Variants in CNOT6L observed in about 807,000 individuals in gnomAD.
The protein encoded by CNOT6L is CCR4-NOT transcription complex subunit 6-like.
Under a neutral mutation model 64.0 loss-of-function variants are expected in CNOT6L, and 7 were observed. The ratio of observed to expected loss-of-function variants is 0.11; its 90% CI spans 0.06 to 0.21. CNOT6L has a LOEUF of 0.21. Ranked by LOEUF, CNOT6L falls within the 10% of genes least tolerant of loss-of-function variation. The pLI is 1.00. For synonymous variants in CNOT6L, 193 were observed against 243.4 expected (o/e 0.79, Z 1.93); for missense variants, 245 against 669.0 (o/e 0.37, Z 6.99).
At chr4:77,723,155 G>A (rs967822955) in intron 11 of CNOT6L, among the ~76,000 whole-genome samples, 2 of 152,076 alleles carry the variant, frequency 1.3e-5, no homozygotes, top group Non-Finnish European at 2.9e-5. Flanking sequence ...CGTGGGGTGA[G>A]GAGCAGCAGT....
intron 8 of CNOT6L, among the ~76,000 whole-genome samples, chr4:77,739,582 T>G (rs1723351571): frequency 6.6e-6 from 1 of 152,212 alleles, no homozygotes; most frequent in African/African-American, 2.4e-5. Flanking sequence ...AAGACATGGA[T>G]AAATATCTGG....
chr4:77,797,122 A>AAAAAC (rs1730949033), intron 1 of CNOT6L, among the ~76,000 whole-genome samples: 1 of 150,582 alleles, frequency 6.6e-6, no homozygotes, highest in African/African-American at 2.4e-5. Context: ...AAAAAAAAAA[A>AAAAAC]AAAACTGCCA....
intron 1 of CNOT6L, among the ~76,000 whole-genome samples, chr4:77,817,309 A>C (rs1471458339): frequency 1.3e-5 from 2 of 152,194 alleles, no homozygotes; most frequent in African/African-American, 4.8e-5. Flanking sequence ...TCTTATATAC[A>C]TTAAAGTTTA....
chr4:77,759,559 C>T (rs866997730), intron 4 of CNOT6L, among the ~76,000 whole-genome samples: 17 of 146,682 alleles, frequency 1.2e-4, no homozygotes, highest in Middle Eastern at 3.5e-3. Context: ...AGCGTGACTC[C>T]GTCTCCAAAA....
At chr4:77,765,556 T>C (rs938393054) in intron 4 of CNOT6L, among the ~76,000 whole-genome samples, 9 of 152,184 alleles carry the variant, frequency 5.9e-5, no homozygotes, top group Admixed American at 3.3e-4. Context: ...TACAGAATTT[T>C]CCCCACTGCT....
chr4:77,799,056 T>C (rs903340875), intron 1 of CNOT6L, among the ~76,000 whole-genome samples: 1 of 151,994 alleles, frequency 6.6e-6, no homozygotes, highest in African/African-American at 2.4e-5. Flanking sequence ...CCAAGATAAA[T>C]GAAAACATTT....
At chr4:77,804,516 T>C (rs1442817324) in intron 1 of CNOT6L, among the ~76,000 whole-genome samples, 4 of 151,492 alleles carry the variant, frequency 2.6e-5, no homozygotes, top group African/African-American at 7.3e-5. Flanking sequence ...GCAGACACAG[T>C]CACATATTAT....
intron 5 of CNOT6L, among the ~76,000 whole-genome samples, chr4:77,748,953 A>G (rs1341341328): frequency 2.6e-5 from 4 of 152,198 alleles, no homozygotes; most frequent in South Asian, 2.1e-4. Context: ...TATGGTTATC[A>G]ATACTATGGA....
intron 4 of CNOT6L, among the ~76,000 whole-genome samples, chr4:77,768,513 A>T (rs1446430910): frequency 7.1e-6 from 1 of 140,750 alleles, no homozygotes; most frequent in Non-Finnish European, 1.5e-5. Flanking sequence ...ATATATATAT[A>T]TATTCTACTC....
At chr4:77,726,830 G>A (rs1404541305) in intron 10 of CNOT6L, among the ~76,000 whole-genome samples, 2 of 152,204 alleles carry the variant, frequency 1.3e-5, no homozygotes, top group African/African-American at 2.4e-5. Context: ...AACAGATTTT[G>A]CATCTTCAAC....
At chr4:77,743,739 T>C (rs1007895238) in intron 7 of CNOT6L, among the ~76,000 whole-genome samples, 4 of 151,802 alleles carry the variant, frequency 2.6e-5, no homozygotes, top group Admixed American at 6.6e-5. Context: ...GTAGTTGGGA[T>C]GACAGGTGCA....
At chr4:77,753,117 G>A (rs1377502877) in intron 5 of CNOT6L, among the ~76,000 whole-genome samples, 2 of 131,002 alleles carry the variant, frequency 1.5e-5, no homozygotes, top group Non-Finnish European at 3.3e-5. Context: ...GAAACTCATA[G>A]AAAGAGAAAT....
At chr4:77,789,590 G>T (rs1729866903) in intron 1 of CNOT6L, among the ~76,000 whole-genome samples, 1 of 151,260 alleles carries the variant, frequency 6.6e-6, no homozygotes, top group Non-Finnish European at 1.5e-5. Flanking sequence ...AGCCCAGGAG[G>T]TTAAGGCTGC....
chr4:77,813,314 T>A (rs1181214418), intron 1 of CNOT6L, among the ~76,000 whole-genome samples: 1 of 92,760 alleles, frequency 1.1e-5, no homozygotes, highest in Non-Finnish European at 2.5e-5. Context: ...ATAGATTAGA[T>A]ATAGATTAGA....
Position 77,778,404 on chromosome 4 carries a change from C to CTT in CNOT6L, c.6-2014_6-2013dup, listed in dbSNP as rs11457321. ...AACATAGGTTTCACTAATTTTAGAT[C>CTT]TTTTTTTTTTTGAGACGGAGTTTTG... is the stretch of plus-strand genomic sequence containing the variant. On this transcript the variant is annotated intron_variant, in intron 1 of 11. Coordinates refer to ENST00000504123, the MANE Select transcript of CNOT6L (RefSeq NM_144571.3). Among the ~76,000 whole-genome samples, 237 of 148,596 alleles carry CTT rather than the reference C, an allele frequency of 1.6e-3. 2 individuals are homozygous for CTT. Among genetic ancestry groups the CTT allele is most frequent in the South Asian group, 0.015 (69 of 4,740 alleles).
intron 5 of CNOT6L, among the ~76,000 whole-genome samples, chr4:77,753,674 A>AAAAT (rs754652027): frequency 2.4e-4 from 37 of 151,988 alleles, no homozygotes; most frequent in Non-Finnish European, 4.0e-4. Flanking sequence ...CCATCTCATA[A>AAAAT]AAATAAATAA....
chr4:77,737,406 CTTTTTTTTTTTTTTTTT>C (rs56952956), intron 8 of CNOT6L, among the ~76,000 whole-genome samples: 1 of 82,374 alleles, frequency 1.2e-5, no homozygotes, highest in African/African-American at 4.7e-5. Flanking sequence ...TTGTACCGTT[CTTTTTTTTTTTTTTTTT>C]TTTTTTTTTT....
chr4:77,792,158 AT>A (rs1730226557), intron 1 of CNOT6L, among the ~76,000 whole-genome samples: 1 of 152,204 alleles, frequency 6.6e-6, no homozygotes, highest in Non-Finnish European at 1.5e-5. Context: ...CATAAGATAA[AT>A]AGAATCATTA....
At chr4:77,759,305 C>T (rs1725907191) in intron 4 of CNOT6L, among the ~76,000 whole-genome samples, 1 of 151,822 alleles carries the variant, frequency 6.6e-6, no homozygotes, top group East Asian at 2.0e-4. Context: ...GTGGCTCACG[C>T]CTGTAATCCC....
Sources: allele counts gnomAD v4.1 joint callset (sites outside exome capture counted in the v4.1 genomes callset), GRCh38; gene constraint gnomAD v4.1.1; transcripts MANE v1.5; gene names NCBI Gene and HGNC (gene_info 2026-07-23, HGNC 2026-07-21).